Variants in DNM3 observed in about 807,000 individuals in gnomAD.
DNM3 encodes the protein dynamin 3.
A neutral mutation model predicts 101.6 loss-of-function variants in DNM3; 47 were observed. The ratio of observed to expected loss-of-function variants is 0.46; its 90% CI spans 0.37 to 0.59. The LOEUF (loss-of-function observed/expected upper bound fraction) is 0.59. Ranked by LOEUF, DNM3 falls within the 20% of genes least tolerant of loss-of-function variation. The probability of loss-of-function intolerance (pLI) is 0.00; values close to 1 mark genes in which losing one functional copy is unlikely to be tolerated. For missense variants in DNM3, 849 were observed against 1,085.7 expected (o/e 0.78, Z 3.06); for synonymous variants, 385 against 387.9 (o/e 0.99, Z 0.09).
intron 20 of DNM3, among the ~76,000 whole-genome samples, chr1:172,403,459 C>A (rs1335885019): frequency 1.3e-5 from 2 of 152,092 alleles, no homozygotes; most frequent in African/African-American, 4.8e-5. Context: ...CAAAGAAGAG[C>A]AGATGAAATT....
intron 2 of DNM3, among the ~76,000 whole-genome samples, chr1:171,946,464 AT>A (rs2042180230): frequency 6.6e-6 from 1 of 152,018 alleles, no homozygotes; most frequent in Non-Finnish European, 1.5e-5. Context: ...GACAATGTCT[AT>A]TTTGGTGTGG....
chr1:172,288,901 A>G (rs1026179973), intron 15 of DNM3, among the ~76,000 whole-genome samples: 3 of 152,178 alleles, frequency 2.0e-5, no homozygotes, highest in African/African-American at 7.2e-5. Context: ...GTCTCTTAGT[A>G]TTTCTCATAG....
intron 12 of DNM3, among the ~76,000 whole-genome samples, chr1:172,090,136 G>T (rs957006952): frequency 2.0e-5 from 3 of 152,020 alleles, no homozygotes; most frequent in African/African-American, 7.3e-5. Context: ...AGCACCTGTG[G>T]GTCTATCACA....
intron 1 of DNM3, among the ~76,000 whole-genome samples, chr1:171,844,209 A>G (rs1236439689): frequency 6.6e-6 from 1 of 152,202 alleles, no homozygotes; most frequent in African/African-American, 2.4e-5. Flanking sequence ...TCCATTTTCT[A>G]CTGTAACATC....
At chr1:172,266,343 G>A (rs893775992) in intron 15 of DNM3, among the ~76,000 whole-genome samples, 6 of 151,658 alleles carry the variant, frequency 4.0e-5, no homozygotes, top group Admixed American at 1.3e-4. Context: ...GTTGAGTGTC[G>A]GATCTACATT....
intron 20 of DNM3, among the ~76,000 whole-genome samples, chr1:172,398,574 C>T (rs1362380868): frequency 6.6e-6 from 1 of 152,148 alleles, no homozygotes; most frequent in Non-Finnish European, 1.5e-5. Flanking sequence ...GTAATGTTTA[C>T]AGGCAGTTAG....
intron 14 of DNM3, among the ~76,000 whole-genome samples, chr1:172,235,021 GCTT>G (rs2061484041): frequency 6.6e-6 from 1 of 152,070 alleles, no homozygotes; most frequent in Admixed American, 6.6e-5. Flanking sequence ...AAACTAAAGA[GCTT>G]CTGCACAGCA....
rs148625283 is a variant in DNM3, at chr1:172,068,360, A to G, written c.1336-459A>G. 2.3e-3 allele frequency among the ~76,000 whole-genome samples: 354 copies of G among 152,244 alleles called. 3 individuals are homozygous for G. Among genetic ancestry groups the G allele is most frequent in the African/African-American group, 8.1e-3 (335 of 41,546 alleles). On this transcript the variant is annotated intron_variant, in intron 10 of 20. Coordinates refer to ENST00000627582, the MANE Select transcript of DNM3 (RefSeq NM_015569.5). Reference sequence around the variant, plus strand: ...AATAAATAAATAAAATAAAAAAGAAATGAGGTTAATAATTATATCTGTCTT... The same window carrying G: ...AATAAATAAATAAAATAAAAAAGAAGTGAGGTTAATAATTATATCTGTCTT...
chr1:172,247,853 T>C (rs1250842119), intron 14 of DNM3, among the ~76,000 whole-genome samples: 1 of 151,754 alleles, frequency 6.6e-6, no homozygotes, highest in Non-Finnish European at 1.5e-5. Flanking sequence ...CCCAGCTAAT[T>C]TTTGTATTTT....
intron 14 of DNM3, among the ~76,000 whole-genome samples, chr1:172,224,271 C>T (rs1313931809): frequency 6.6e-6 from 1 of 152,172 alleles, no homozygotes; most frequent in Non-Finnish European, 1.5e-5. Context: ...ATCCTCAATG[C>T]ACTTAATGAA....
chr1:171,996,364 G>A (rs1229613763), intron 4 of DNM3, among the ~76,000 whole-genome samples: 1 of 152,064 alleles, frequency 6.6e-6, no homozygotes, highest in African/African-American at 2.4e-5. Flanking sequence ...TTTTGCTTTA[G>A]TTTCACCAGA....
intron 17 of DNM3, among the ~76,000 whole-genome samples, chr1:172,356,785 G>A (rs994994338): frequency 2.0e-5 from 3 of 152,046 alleles, no homozygotes; most frequent in Non-Finnish European, 2.9e-5. Context: ...CACAGAAAAA[G>A]ATAAGGTTAC....
intron 15 of DNM3, among the ~76,000 whole-genome samples, chr1:172,274,070 G>A (rs940469250): frequency 3.3e-5 from 5 of 151,946 alleles, no homozygotes; most frequent in African/African-American, 7.3e-5. Flanking sequence ...ACACACTGTC[G>A]TAAAGCAGAT....
At chr1:171,926,668 T>G (rs1558277296) in intron 2 of DNM3, among the ~76,000 whole-genome samples, 1 of 152,180 alleles carries the variant, frequency 6.6e-6, no homozygotes, top group Non-Finnish European at 1.5e-5. Flanking sequence ...TCTACTTTAT[T>G]TTTTTTCAGG....
intron 17 of DNM3, among the ~76,000 whole-genome samples, chr1:172,329,070 T>C (rs1233587579): frequency 6.6e-6 from 1 of 152,134 alleles, no homozygotes; most frequent in Non-Finnish European, 1.5e-5. Context: ...TGTGTTTTTT[T>C]TTGTTTTTAA....
intron 14 of DNM3, among the ~76,000 whole-genome samples, chr1:172,180,528 G>A (rs576785856): frequency 1.8e-4 from 28 of 152,206 alleles, no homozygotes; most frequent in African/African-American, 6.7e-4. Flanking sequence ...ATAATTAAGA[G>A]CTTACTGCTA....
intron 1 of DNM3, among the ~76,000 whole-genome samples, chr1:171,853,505 T>C (rs1443564261): frequency 6.6e-6 from 1 of 152,232 alleles, no homozygotes; most frequent in Non-Finnish European, 1.5e-5. Flanking sequence ...AATTTTAAAA[T>C]CTGCTTTTCT....
intron 10 of DNM3, among the ~76,000 whole-genome samples, chr1:172,063,709 G>A (rs901142706): frequency 6.6e-6 from 1 of 150,734 alleles, no homozygotes; most frequent in Non-Finnish European, 1.5e-5. Flanking sequence ...AACCCAGGAG[G>A]TGGAGGTTGC....
chr1:171,876,155 A>G (rs1437374038), intron 1 of DNM3, among the ~76,000 whole-genome samples: 1 of 152,178 alleles, frequency 6.6e-6, no homozygotes, highest in Non-Finnish European at 1.5e-5. Context: ...TTTATTGATG[A>G]AATGATGGGA....
Sources: gnomAD v4.1 joint callset for allele counts (sites outside exome capture counted in the v4.1 genomes callset) on GRCh38, gnomAD v4.1.1 for gene constraint, MANE v1.5 for transcripts, NCBI Gene and HGNC (gene_info 2026-07-23, HGNC 2026-07-21) for gene names.